The following CEP63 variants were observed in gnomAD, a reference collection of about 807,000 sequenced individuals.
The protein encoded by CEP63 is centrosomal protein 63.
CEP63 carries 84 observed loss-of-function variants against 89.1 expected under a neutral mutation model. That is an observed-to-expected ratio of 0.94 (90% CI 0.79 to 1.13). The LOEUF is 1.13. CEP63 is among the 50% of genes most tolerant of loss of function. The pLI is 0.00. For synonymous variants in CEP63, 267 were observed against 272.5 expected (o/e 0.98, Z 0.20); for missense variants, 838 against 813.3 (o/e 1.03, Z -0.37).
chr3:134,566,119 CA>C (rs758760671), downstream of CEP63, among the ~76,000 whole-genome samples: 13 of 64,672 alleles, frequency 2.0e-4, no homozygotes, highest in South Asian at 2.4e-3. Context: ...TTCAGACATA[CA>C]ATTCACATCT....
the CEP63 span, chr3:134,604,431 C>T: frequency 6.2e-7 from 1 of 1,613,402 alleles, no homozygotes; most frequent in Non-Finnish European, 8.5e-7. Flanking sequence ...ACATGAACAG[C>T]GTCGGGGCGC....
intron 3 of CEP63, chr3:134,510,680 G>A: frequency 1.7e-6 from 1 of 599,824 alleles, no homozygotes; most frequent in Non-Finnish European, 3.1e-6. Context: ...GCCCAGGCTT[G>A]TCTAGCATGA....
At chr3:134,529,458 A>T (rs1020930928) in intron 3 of CEP63, among the ~76,000 whole-genome samples, 1 of 150,082 alleles carries the variant, frequency 6.7e-6, no homozygotes, top group South Asian at 2.1e-4. Flanking sequence ...CTTGTGCCAC[A>T]GCCTCCTGAG....
At chr3:134,612,693 C>CGATGTGAACTGACAACAG in the CEP63 span, among the ~76,000 whole-genome samples, 1 of 151,244 alleles carries the variant, frequency 6.6e-6, no homozygotes, top group Non-Finnish European at 1.5e-5. Flanking sequence ...GCCCCTGACA[C>CGATGTGAACTGACAACAG]GATGTGAACT....
At chr3:134,620,745 C>G in the CEP63 span, 1 of 1,609,818 alleles carries the variant, frequency 6.2e-7, no homozygotes, top group East Asian at 2.2e-5. Flanking sequence ...ACAGGGGGGC[C>G]TACCTATGTG....
At chr3:134,608,285 T>G in the CEP63 span, 26 of 1,213,242 alleles carry the variant, frequency 2.1e-5, no homozygotes, top group South Asian at 3.4e-4. Context: ...CTATGTGAAC[T>G]GAGAGAGACT....
the CEP63 span, among the ~76,000 whole-genome samples, chr3:134,781,251 GA>G: frequency 1.3e-5 from 2 of 151,502 alleles, no homozygotes; most frequent in African/African-American, 2.4e-5. Context: ...AAAAATTATA[GA>G]TTTTTTTTGT....
intron 6 of CEP63, among the ~76,000 whole-genome samples, chr3:134,543,318 C>T (rs919887859): frequency 3.3e-5 from 5 of 152,028 alleles, no homozygotes; most frequent in East Asian, 3.8e-4. Flanking sequence ...GTGCAATATC[C>T]GCGTGTGGGT....
At chr3:134,504,123 T>C (rs1306699251) in intron 2 of CEP63, among the ~76,000 whole-genome samples, 1 of 152,154 alleles carries the variant, frequency 6.6e-6, no homozygotes, top group African/African-American at 2.4e-5. Flanking sequence ...CTTTTTTTTT[T>C]TTAGTGATAA....
the CEP63 span, chr3:134,610,290 G>T: frequency 6.2e-7 from 1 of 1,613,882 alleles, no homozygotes; most frequent in South Asian, 1.1e-5. Context: ...CAGCATTCCA[G>T]GCATGGTCAA....
chr3:134,510,638 G>T, intron 3 of CEP63: 1 of 651,204 alleles, frequency 1.5e-6, no homozygotes. Context: ...AGCAAGAAGA[G>T]TGCACTCACT....
the CEP63 span, among the ~76,000 whole-genome samples, chr3:134,594,445 T>C: frequency 1.3e-5 from 2 of 152,074 alleles, no homozygotes; most frequent in African/African-American, 4.8e-5. Context: ...TTCCCCCTGA[T>C]AGAAACAAAG....
chr3:134,507,395 A>T (rs1209667743), intron 3 of CEP63, 109 bp downstream of exon 3: 1 of 766,558 alleles, frequency 1.3e-6, no homozygotes, highest in Non-Finnish European at 2.1e-6. Flanking sequence ...AAGTTAGTTT[A>T]TTGTTTTTTA....
At chr3:134,545,542 T>G (rs1205152770) in intron 6 of CEP63, 44 bp from the exon 7 acceptor site, 3 of 1,355,510 alleles carry the variant, frequency 2.2e-6, no homozygotes, top group East Asian at 4.6e-5. Flanking sequence ...TTGATTATTT[T>G]ATCATTTCCC....
At chr3:134,780,084 AT>A in the CEP63 span, among the ~76,000 whole-genome samples, 24 of 152,004 alleles carry the variant, frequency 1.6e-4, no homozygotes, top group Non-Finnish European at 1.9e-4. Flanking sequence ...AACCCTAGCT[AT>A]TGTCTGACTT....
the CEP63 span, among the ~76,000 whole-genome samples, chr3:134,739,099 A>G: frequency 1.3e-5 from 2 of 152,212 alleles, no homozygotes; most frequent in Non-Finnish European, 2.9e-5. Flanking sequence ...AATAGGTTAA[A>G]TATAATGTTA....
chr3:134,592,896 T>A, the CEP63 span, among the ~76,000 whole-genome samples: 1 of 152,168 alleles, frequency 6.6e-6, no homozygotes, highest in African/African-American at 2.4e-5. Context: ...TTGCAGTTGC[T>A]CCTACCTAGT....
the CEP63 span, among the ~76,000 whole-genome samples, chr3:134,695,757 A>T: frequency 6.6e-6 from 1 of 152,228 alleles, no homozygotes; most frequent in South Asian, 2.1e-4. Context: ...TGGCCCGAGC[A>T]CTGGAGGTAG....
chr3:134,623,916 T>G, the CEP63 span, among the ~76,000 whole-genome samples: 3 of 151,978 alleles, frequency 2.0e-5, no homozygotes, highest in South Asian at 6.2e-4. Flanking sequence ...CCTCCACCCC[T>G]GCAATATGAT....
Sources: allele counts gnomAD v4.1 joint callset (sites outside exome capture counted in the v4.1 genomes callset), GRCh38; gene constraint gnomAD v4.1.1; transcripts MANE v1.5; gene names NCBI Gene and HGNC (gene_info 2026-07-23, HGNC 2026-07-21).